Variants in FER1L5 observed in about 807,000 individuals in gnomAD.
FER1L5 encodes the protein fer-1 like family member 5.
A neutral mutation model predicts 279.9 loss-of-function variants in FER1L5; 187 were observed. That is an observed-to-expected ratio of 0.67 (90% CI 0.59 to 0.75). The LOEUF is 0.75. FER1L5 is among the 30% of genes least tolerant of loss of function. The probability of loss-of-function intolerance (pLI) is 0.00; values close to 1 mark genes in which losing one functional copy is unlikely to be tolerated. For missense variants in FER1L5, 2,091 were observed against 2,594.4 expected (o/e 0.81, Z 4.21); for synonymous variants, 921 against 989.7 (o/e 0.93, Z 1.30).
intron 31 of FER1L5, 42 bp downstream of exon 31, chr2:96,692,223 T>C (rs985067305): frequency 2.2e-5 from 34 of 1,544,606 alleles, no homozygotes; most frequent in Admixed American, 5.9e-5. Flanking sequence ...GGACAAGGCC[T>C]CAGGGAGGAG....
At chr2:96,682,528 A>G (rs528136813) in intron 19 of FER1L5, among the ~76,000 whole-genome samples, 50 of 152,228 alleles carry the variant, frequency 3.3e-4, no homozygotes, top group African/African-American at 1.2e-3. Flanking sequence ...AGCGGAGTTG[A>G]TGGGTTAGGA....
In FER1L5 at chr2:96,699,321, T is replaced by C. The variant is rs568058446; in HGVS notation, c.4610+185T>C. ...TATGGGTGGGCCGGTTCTACCCTGT[T>C]TCTCACTCTGGCTGGGAGGGGAGCT... On this transcript the variant is annotated intron_variant, in intron 42 of 52. Transcript: ENST00000624922. 1.6e-3 allele frequency among the ~76,000 whole-genome samples: 249 copies of C among 152,236 alleles called. 1 individual carries two copies. The highest frequency in any genetic ancestry group is 5.7e-3 in the African/African-American group (235 of 41,534).
At chr2:96,663,362 C>T (rs1459862996) in intron 13 of FER1L5, 77 bp from the exon 14 acceptor site, 2 of 1,375,260 alleles carry the variant, frequency 1.5e-6, no homozygotes, top group African/African-American at 1.4e-5. Flanking sequence ...GGAGGCTGGA[C>T]AGGAAGAGCT....
chr2:96,696,011 C>T, intron 36 of FER1L5, 41 bp from the exon 37 acceptor site: 1 of 1,613,184 alleles, frequency 6.2e-7, no homozygotes, highest in Non-Finnish European at 8.5e-7. Context: ...CCTCAGCCCT[C>T]TCCCCATCCT....
At chr2:96,650,147 C>T (rs1457507055) in intron 5 of FER1L5, 33 bp from the exon 6 acceptor site, 3 of 1,510,642 alleles carry the variant, frequency 2.0e-6, no homozygotes, top group Non-Finnish European at 2.7e-6. Flanking sequence ...GGGCCCCAGG[C>T]CTCTGACCCC....
Position 96,661,376 on chromosome 2 carries a change from G to A in FER1L5, c.830G>A (p.Gly277Asp). ...GGCCTCTGCCAGCCAAATAACCCTG[G>A]CAGTGGTGTGACAGGCTACCTGAAA... ...WLGLCQPNNPGSGVTGYLKVT... is the reference protein window; with the variant it reads ...WLGLCQPNNPDSGVTGYLKVT... The change falls in exon 11 of 53, where the codon GGC (glycine) becomes GAC (aspartate). Residue 277 changes from glycine (G) to aspartate (D), a missense_variant. Transcript: ENST00000624922. 6.4e-7 allele frequency: 1 copy of A among 1,551,650 alleles called. No homozygotes were observed. Among genetic ancestry groups the A allele is most frequent in the Non-Finnish European group, 8.7e-7 (1 of 1,146,978 alleles).
intron 9 of FER1L5, 33 bp from the exon 10 acceptor site, chr2:96,660,308 T>C (rs1359967365): frequency 6.4e-7 from 1 of 1,551,596 alleles, no homozygotes; most frequent in Non-Finnish European, 8.7e-7. Flanking sequence ...CTGCAGGCCC[T>C]AACTAATCCT....
chr2:96,672,540 G>A (rs1346661347), intron 18 of FER1L5, among the ~76,000 whole-genome samples: 1 of 152,280 alleles, frequency 6.6e-6, no homozygotes, highest in South Asian at 2.1e-4. Flanking sequence ...ACAGAAACAA[G>A]AGGGGCTGAT....
At position 96,696,053 on chromosome 2, in the gene FER1L5, G is replaced by A. The variant is rs547019754; in HGVS notation, c.4059G>A (p.Thr1353=). ...AQDYMHPKLP[T]LSEKKHQDFL... ...CGTCCCTGCGCTCTCCCCGCACAGC[G>A]CTGTCTGAGAAGAAGCACCAAGACG... Residue 1353 remains threonine (T), a splice_region_variant and synonymous_variant, in exon 37 of 53, where the codon ACG becomes ACA. Transcript: ENST00000624922. The A allele has an allele frequency of 6.2e-6, 10 of 1,613,754 alleles. No individual in the cohort carries two copies. In the East Asian group the frequency reaches 8.9e-5, roughly 14 times the overall value.
chr2:96,657,897 T>C, intron 9 of FER1L5, among the ~76,000 whole-genome samples: 1 of 152,346 alleles, frequency 6.6e-6, no homozygotes, highest in South Asian at 2.1e-4. Flanking sequence ...GGCTGCTATA[T>C]TGGGGCCGTG....
At chr2:96,668,269 A>T (rs1285253393) in intron 14 of FER1L5, among the ~76,000 whole-genome samples, 2 of 152,070 alleles carry the variant, frequency 1.3e-5, no homozygotes, top group Non-Finnish European at 2.9e-5. Flanking sequence ...CACACCTCTA[A>T]TCCCAACATT....
chr2:96,646,989 G>A (rs1188722171), intron 2 of FER1L5, 75 bp from the exon 3 acceptor site: 21 of 1,450,674 alleles, frequency 1.4e-5, no homozygotes, highest in East Asian at 2.5e-5. Flanking sequence ...CGTTCCCCAC[G>A]TCTTTCCTCA....
chr2:96,649,571 T>G (rs902217063), intron 4 of FER1L5, 52 bp from the exon 5 acceptor site: 66 of 1,535,206 alleles, frequency 4.3e-5, no homozygotes, highest in Non-Finnish European at 4.9e-5. Flanking sequence ...TTGGGTGCTG[T>G]GTCCAAGGAT....
chr2:96,695,967 C>A, intron 36 of FER1L5, 63 bp downstream of exon 36: 1 of 1,605,368 alleles, frequency 6.2e-7, no homozygotes, highest in Middle Eastern at 1.7e-4. Flanking sequence ...GGGAGTGGGG[C>A]AGGCCCTGCT....
At chr2:96,662,163 T>C in intron 12 of FER1L5, 52 bp from the exon 13 acceptor site, 1 of 1,531,956 alleles carries the variant, frequency 6.5e-7, no homozygotes, top group Non-Finnish European at 8.9e-7. Context: ...CCCTATTTCC[T>C]CCTCCTGAAA....
In FER1L5 at chr2:96,702,250, G is replaced by A. The variant is rs2077610844; in HGVS notation, c.5160-56G>A. On this transcript the variant is annotated intron_variant, in intron 46 of 52. Coordinates refer to ENST00000624922, the MANE Select transcript of FER1L5 (RefSeq NM_001293083.2). This position sits in a 1 kb window ranked among gnomAD's most constrained non-coding sequence, Gnocchi z 4.0. ...CCTCCCAGGCTTCTCTGCCCTCACT[G>A]AGGCTGCAGCTGGGGAGCTCCTCCT... The A allele has an allele frequency of 3.8e-6, 6 of 1,585,302 alleles. No individual in the cohort carries two copies. Among genetic ancestry groups the A allele is most frequent in the Non-Finnish European group, 5.1e-6 (6 of 1,166,470 alleles).
intron 44 of FER1L5, 30 bp downstream of exon 44, chr2:96,700,110 A>ACCCGTGGTCAACCTGCAGCT: frequency 6.2e-7 from 1 of 1,612,778 alleles, no homozygotes. Flanking sequence ...AGCAGAAAGC[A>ACCCGTGGTCAACCTGCAGCT]CAGACACAGG....
chr2:96,653,778 C>A, intron 8 of FER1L5, 76 bp downstream of exon 8: 1 of 1,154,214 alleles, frequency 8.7e-7, no homozygotes, highest in Non-Finnish European at 1.3e-6. Flanking sequence ...ACAGCTCCAG[C>A]CCCCACCCTT....
chr2:96,688,099 A>G, intron 24 of FER1L5, 152 bp downstream of exon 24: 1 of 1,076,344 alleles, frequency 9.3e-7, no homozygotes, highest in East Asian at 2.6e-5. Flanking sequence ...GGAAGAAAAA[A>G]TTCCTGACCG....
Sources: gnomAD v4.1 joint callset for allele counts (sites outside exome capture counted in the v4.1 genomes callset) on GRCh38, gnomAD v4.1.1 for gene constraint, Gnocchi (gnomAD v3.1) non-coding constraint, MANE v1.5 for transcripts, NCBI Gene and HGNC (gene_info 2026-07-23, HGNC 2026-07-21) for gene names.